Variants in PDE1A observed in about 807,000 individuals in gnomAD.
The protein encoded by PDE1A is dual specificity calcium/calmodulin-dependent 3',5'-cyclic nucleotide phosphodiesterase 1A.
Under a neutral mutation model 61.7 loss-of-function variants are expected in PDE1A, and 35 were observed. The ratio of observed to expected loss-of-function variants is 0.57; its 90% CI spans 0.43 to 0.75. The LOEUF (loss-of-function observed/expected upper bound fraction) is 0.75, where lower values mean the gene tolerates loss of function less well. Ranked by LOEUF, PDE1A falls within the 30% of genes least tolerant of loss-of-function variation. PDE1A has a pLI of 0.00. For missense variants in PDE1A, 597 were observed against 630.6 expected (o/e 0.95, Z 0.57); for synonymous variants, 232 against 213.2 (o/e 1.09, Z -0.77).
chr2:182,354,761 A>T lies in PDE1A; in HGVS notation c.53+71817T>A, dbSNP rs142360597. On this transcript the variant is annotated intron_variant, in intron 1 of 13. Coordinates refer to ENST00000351439, the Ensembl canonical transcript of PDE1A. The stretch of plus-strand genomic sequence containing the variant: ...ATAAATAGGTTATATGTCAGATAAC[A>T]TTCAAATATTAGTACCTACTATTAC... 3.8e-3 allele frequency among the ~76,000 whole-genome samples: 584 copies of T among 152,292 alleles called. 2 individuals are homozygous for T. The highest frequency in any genetic ancestry group is 0.013 in the African/African-American group (552 of 41,578).
chr2:182,287,253 A>G (rs1381308117), intron 1 of PDE1A, among the ~76,000 whole-genome samples: 2 of 152,064 alleles, frequency 1.3e-5, no homozygotes, highest in African/African-American at 4.8e-5. Context: ...TTCATTTTAA[A>G]TGACACCTCT....
chr2:182,471,475 A>T (rs922455515), intron 2 of PDE1A, among the ~76,000 whole-genome samples: 1 of 151,728 alleles, frequency 6.6e-6, no homozygotes, highest in African/African-American at 2.4e-5. Context: ...GACTAAAATG[A>T]AACTAGTTTT....
At chr2:182,511,589 T>C (rs1478735015) in intron 2 of PDE1A, among the ~76,000 whole-genome samples, 1 of 152,138 alleles carries the variant, frequency 6.6e-6, no homozygotes, top group East Asian at 1.9e-4. Flanking sequence ...GGAACAGCTA[T>C]AGTGGAGCAC....
the PDE1A span, among the ~76,000 whole-genome samples, chr2:182,597,102 T>C: frequency 1.3e-5 from 2 of 151,678 alleles, no homozygotes; most frequent in Non-Finnish European, 2.9e-5. Context: ...AGGTGAGCCA[T>C]GATCATGCCA....
At chr2:182,189,168 G>C in intron 10 of PDE1A, 108 bp from the exon 11 acceptor site, 1 of 612,428 alleles carries the variant, frequency 1.6e-6, no homozygotes, top group East Asian at 2.9e-5. Flanking sequence ...TTCTTAATTA[G>C]CAATACTTTT....
chr2:182,610,762 T>A, the PDE1A span, among the ~76,000 whole-genome samples: 1 of 151,464 alleles, frequency 6.6e-6, no homozygotes, highest in Non-Finnish European at 1.5e-5. Context: ...TATAAAACTT[T>A]GAAAAAGAGA....
upstream of PDE1A, among the ~76,000 whole-genome samples, chr2:182,524,792 T>A (rs1404991006): frequency 1.3e-5 from 2 of 151,966 alleles, no homozygotes; most frequent in African/African-American, 2.4e-5. Context: ...GTCATAAAAA[T>A]ACAGTAAAAA....
At chr2:182,242,926 C>CT (rs1553550717) in intron 2 of PDE1A, among the ~76,000 whole-genome samples, 13 of 31,810 alleles carry the variant, frequency 4.1e-4, no homozygotes, top group Admixed American at 3.3e-3. Context: ...CTCTCTCTCT[C>CT]GTGTGTGTAT....
At chr2:182,167,935 T>C (rs1205907875) in exon 14 of PDE1A, 1 of 1,136,502 alleles carries the variant, frequency 8.8e-7, no homozygotes, top group African/African-American at 1.6e-5. Flanking sequence ...AATTAGCAAT[T>C]AGCTGCTCAA....
chr2:182,349,051 C>T (rs961379378), intron 1 of PDE1A, among the ~76,000 whole-genome samples: 4 of 152,204 alleles, frequency 2.6e-5, no homozygotes, highest in East Asian at 1.9e-4. Flanking sequence ...AATGTCATTG[C>T]TATAGTGATT....
chr2:182,191,952 T>A (rs1685735628), intron 10 of PDE1A, among the ~76,000 whole-genome samples: 1 of 151,782 alleles, frequency 6.6e-6, no homozygotes, highest in Admixed American at 6.6e-5. Context: ...GCCTCCCAGG[T>A]TCAAGCAATT....
the PDE1A span, among the ~76,000 whole-genome samples, chr2:182,701,858 G>C: frequency 6.6e-6 from 1 of 152,080 alleles, no homozygotes; most frequent in Non-Finnish European, 1.5e-5. Flanking sequence ...AACTGACTGA[G>C]ACAATGCTAA....
At chr2:182,592,389 T>C in the PDE1A span, among the ~76,000 whole-genome samples, 1 of 152,204 alleles carries the variant, frequency 6.6e-6, no homozygotes, top group African/African-American at 2.4e-5. Context: ...GGCAAAAGTT[T>C]TGCAAGTATA....
chr2:182,357,057 G>T (rs1408769644), intron 1 of PDE1A, among the ~76,000 whole-genome samples: 1 of 152,058 alleles, frequency 6.6e-6, no homozygotes, highest in African/African-American at 2.4e-5. Context: ...GGGAGGGATA[G>T]CATTAGGAGA....
the PDE1A span, among the ~76,000 whole-genome samples, chr2:182,560,341 A>C: frequency 6.6e-6 from 1 of 151,096 alleles, no homozygotes; most frequent in African/African-American, 2.4e-5. Context: ...GCGATAGTTT[A>C]CTGAGAATGA....
At chr2:182,240,265 G>A (rs1322975879) in exon 3 of PDE1A, 10 of 1,605,418 alleles carry the variant, frequency 6.2e-6, no homozygotes, top group Non-Finnish European at 8.5e-6. Context: ...GAATGTCACT[G>A]AGCTCATCTT....
intron 4 of PDE1A, among the ~76,000 whole-genome samples, chr2:182,232,540 C>T (rs1337482207): frequency 6.6e-6 from 1 of 152,116 alleles, no homozygotes; most frequent in Admixed American, 6.6e-5. Context: ...ATAGTAAGAG[C>T]TTCAAATGGT....
chr2:182,628,741 G>T, the PDE1A span, among the ~76,000 whole-genome samples: 1 of 151,782 alleles, frequency 6.6e-6, no homozygotes, highest in African/African-American at 2.4e-5. Context: ...TTCTGTTTTT[G>T]ATTTGGCTTT....
chr2:182,634,639 T>C, the PDE1A span, among the ~76,000 whole-genome samples: 1 of 152,202 alleles, frequency 6.6e-6, no homozygotes, highest in Non-Finnish European at 1.5e-5. Flanking sequence ...ACCCTCGCCT[T>C]GAAATGCAAA....
Sources: allele counts gnomAD v4.1 joint callset (sites outside exome capture counted in the v4.1 genomes callset), GRCh38; gene constraint gnomAD v4.1.1; transcripts MANE v1.5; gene names NCBI Gene and HGNC (gene_info 2026-07-23, HGNC 2026-07-21).